MED13L: variants seen among roughly 807,000 people sequenced by gnomAD.
MED13L encodes the protein mediator of RNA polymerase II transcription subunit 13-like.
In MED13L, 7 loss-of-function variants were observed where a neutral mutation model predicts 220.9. That is an observed-to-expected ratio of 0.03 (90% confidence interval 0.02 to 0.06). The LOEUF (loss-of-function observed/expected upper bound fraction) is 0.06. Ranked by LOEUF, MED13L falls within the 10% of genes least tolerant of loss-of-function variation. The probability of loss-of-function intolerance (pLI) is 1.00; values close to 1 mark genes in which losing one functional copy is unlikely to be tolerated. For missense variants in MED13L, 1,965 were observed against 2,760.5 expected, an observed-to-expected ratio of 0.71 and a Z score of 6.46; for synonymous variants, 1,011 against 1,015.2, an observed-to-expected ratio of 1.00 and a Z score of 0.08.
chr12:116,272,038 G>A (rs1327077453), intron 1 of MED13L, among the ~76,000 whole-genome samples: 1 of 152,084 alleles, frequency 6.6e-6, no homozygotes, highest in African/African-American at 2.4e-5. Context: ...ATTCAAAGTT[G>A]AGAGACAGCT....
chr12:116,272,070 TAAAC>T (rs1873412701), intron 1 of MED13L, among the ~76,000 whole-genome samples: 2 of 152,186 alleles, frequency 1.3e-5, no homozygotes, highest in Admixed American at 6.5e-5. Flanking sequence ...TCATAAAAAA[TAAAC>T]AATTTTTCTG....
chr12:115,963,150 C>G (rs1306236875), intron 30 of MED13L, among the ~76,000 whole-genome samples: 1 of 152,176 alleles, frequency 6.6e-6, no homozygotes, highest in South Asian at 2.1e-4. Context: ...TCTTCATCAC[C>G]ATGAAGTGCC....
chr12:116,206,308 T>C (rs1882326923), intron 2 of MED13L, among the ~76,000 whole-genome samples: 1 of 152,148 alleles, frequency 6.6e-6, no homozygotes, highest in Middle Eastern at 3.2e-3. Flanking sequence ...CTCGAACTCC[T>C]GACCTCAGGT....
intron 3 of MED13L, among the ~76,000 whole-genome samples, chr12:116,108,363 A>G (rs1316398666): frequency 8.1e-6 from 1 of 123,874 alleles, no homozygotes; most frequent in Non-Finnish European, 1.6e-5. Flanking sequence ...AGACTCTAAC[A>G]TTAACAATAG....
chr12:116,175,217 T>C (rs1453375969), intron 2 of MED13L, among the ~76,000 whole-genome samples: 1 of 152,112 alleles, frequency 6.6e-6, no homozygotes, highest in Non-Finnish European at 1.5e-5. Flanking sequence ...GCCAAAAGTG[T>C]TAAGATTTAT....
At chr12:116,016,685 C>T (rs919315318) in intron 7 of MED13L, among the ~76,000 whole-genome samples, 3 of 152,126 alleles carry the variant, frequency 2.0e-5, no homozygotes, top group African/African-American at 7.2e-5. Flanking sequence ...TGAAGCTTTT[C>T]AGTGGCACTT....
intron 4 of MED13L, among the ~76,000 whole-genome samples, chr12:116,032,996 A>G (rs1162579711): frequency 6.6e-6 from 1 of 152,028 alleles, no homozygotes; most frequent in Non-Finnish European, 1.5e-5. Flanking sequence ...GAAGTGAAGA[A>G]GAGGAAGAGA....
chr12:115,997,613 G>A (rs940397863), intron 14 of MED13L, among the ~76,000 whole-genome samples: 1 of 152,130 alleles, frequency 6.6e-6, no homozygotes, highest in Non-Finnish European at 1.5e-5. Flanking sequence ...GTAGAAACAG[G>A]GTTTCACCAT....
At chr12:116,212,668 A>G (rs1014174138) in intron 2 of MED13L, among the ~76,000 whole-genome samples, 5 of 152,216 alleles carry the variant, frequency 3.3e-5, no homozygotes, top group African/African-American at 9.6e-5. Context: ...CAAAACAACA[A>G]AACTTTAACC....
intron 1 of MED13L, among the ~76,000 whole-genome samples, chr12:116,272,735 CA>C (rs774736011): frequency 1.3e-5 from 2 of 152,192 alleles, no homozygotes; most frequent in Non-Finnish European, 2.9e-5. Flanking sequence ...TTGTAGCATA[CA>C]GGCCTAAGGT....
At chr12:116,027,094 T>C (rs920227248) in intron 4 of MED13L, among the ~76,000 whole-genome samples, 2 of 147,234 alleles carry the variant, frequency 1.4e-5, no homozygotes, top group South Asian at 2.2e-4. Flanking sequence ...ACAATTTGCA[T>C]GTGGCATAAC....
intron 1 of MED13L, chr12:116,276,696 G>C (rs1873872805): frequency 2.4e-5 from 27 of 1,105,976 alleles, no homozygotes; most frequent in Non-Finnish European, 3.1e-5. Context: ...ACAAGGCAAA[G>C]CCTTCCACAT....
At chr12:116,169,598 T>C (rs1039452540) in intron 2 of MED13L, among the ~76,000 whole-genome samples, 1 of 152,244 alleles carries the variant, frequency 6.6e-6, no homozygotes, top group East Asian at 1.9e-4. Context: ...AAGTATGTAG[T>C]TGGAGAAGGG....
intron 2 of MED13L, among the ~76,000 whole-genome samples, chr12:116,124,306 T>C (rs940183573): frequency 1.5e-4 from 23 of 152,192 alleles, no homozygotes; most frequent in African/African-American, 1.9e-4. Flanking sequence ...TGACAGTCTA[T>C]GGCAAATATT....
rs769754543 is a variant in MED13L, at chr12:115,991,761, T to C, written c.3193A>G (p.Thr1065Ala). The C allele has an allele frequency of 1.2e-6, 2 of 1,613,852 alleles. No homozygotes were observed. The highest frequency in any genetic ancestry group is 1.7e-6 in the Non-Finnish European group (2 of 1,179,940). Residue 1065 changes from threonine to alanine, a missense_variant, in exon 17 of 31, where the codon ACT becomes GCT. Thr to Ala is a moderately conservative substitution (Grantham distance 58). Transcript: ENST00000281928. This position sits in a 1 kb window ranked among gnomAD's most constrained non-coding sequence, Gnocchi z 7.7. ...RTPRTPRGGG[T>A]ASGQGSVKYD... The stretch of plus-strand genomic sequence containing the variant: ...TTAACAGACCCTTGACCACTGGCAG[T>C]GCCCCCACCTCTGGGAGTTCTTGGG...
intron 2 of MED13L, among the ~76,000 whole-genome samples, chr12:116,173,229 T>C (rs2138191060): frequency 6.6e-6 from 1 of 152,240 alleles, no homozygotes; most frequent in East Asian, 1.9e-4. Flanking sequence ...CAAAAACTCC[T>C]TTCTCATGTT....
intron 1 of MED13L, among the ~76,000 whole-genome samples, chr12:116,274,246 T>TA (rs1873627003): frequency 6.6e-6 from 1 of 152,138 alleles, no homozygotes; most frequent in African/African-American, 2.4e-5. Flanking sequence ...GCAGAAATCT[T>TA]AAAGTGTCTG....
chr12:116,164,642 A>T, intron 2 of MED13L, among the ~76,000 whole-genome samples: 1 of 152,152 alleles, frequency 6.6e-6, no homozygotes, highest in East Asian at 1.9e-4. Flanking sequence ...CTTAAGTATA[A>T]TTTCACACAG....
chr12:115,992,305 T>G (rs1348252329), intron 16 of MED13L, among the ~76,000 whole-genome samples: 1 of 152,190 alleles, frequency 6.6e-6, no homozygotes, highest in African/African-American at 2.4e-5. Flanking sequence ...AAAAGTTAAC[T>G]ACTAAATGGA....
Sources: allele counts gnomAD v4.1 joint callset (sites outside exome capture counted in the v4.1 genomes callset), GRCh38; gene constraint gnomAD v4.1.1; non-coding constraint Gnocchi (gnomAD v3.1); transcripts MANE v1.5; gene names NCBI Gene and HGNC (gene_info 2026-07-23, HGNC 2026-07-21).